Variants in GCN1 observed in about 807,000 individuals in gnomAD.
GCN1 encodes the protein stalled ribosome sensor GCN1.
Under a neutral mutation model 288.4 loss-of-function variants are expected in GCN1, and 90 were observed. That is an observed-to-expected ratio of 0.31 (90% confidence interval 0.26 to 0.37). The LOEUF is 0.37. Among genes scored for constraint, GCN1 ranks in the 10% least tolerant of loss-of-function variants. GCN1 has a pLI of 1.00. For synonymous variants in GCN1, 1,386 were observed against 1,420.2 expected, an observed-to-expected ratio of 0.98 and a Z score of 0.54; for missense variants, 2,586 against 3,419.9, an observed-to-expected ratio of 0.76 and a Z score of 6.08.
At chr12:120,165,094 G>C (rs974091938) in intron 16 of GCN1, among the ~76,000 whole-genome samples, 1 of 150,968 alleles carries the variant, frequency 6.6e-6, no homozygotes, top group South Asian at 2.1e-4. Flanking sequence ...GCCCAGGCTG[G>C]AGTGCAGTGG....
rs747682389 is a variant in GCN1, at chr12:120,163,273, C to T, written c.1849-14G>A. On this transcript the variant is annotated splice_polypyrimidine_tract_variant and intron_variant, in intron 18 of 57. Coordinates refer to ENST00000300648, the MANE Select transcript of GCN1 (RefSeq NM_006836.2). ...TAAGGGCAGCACCTGTGTGGAGACA[C>T]ATGAGATAATACTGCTAAGAGCCCT... is the stretch of plus-strand genomic sequence containing the variant. 3 of 1,607,756 alleles carry T rather than the reference C, an allele frequency of 1.9e-6. No individual in the cohort carries two copies. The highest frequency in any genetic ancestry group is 2.6e-6 in the Non-Finnish European group (3 of 1,174,398).
intron 4 of GCN1, among the ~76,000 whole-genome samples, 191 bp downstream of exon 4, chr12:120,183,921 G>A (rs1226225115): frequency 6.6e-6 from 1 of 152,202 alleles, no homozygotes; most frequent in East Asian, 1.9e-4. Flanking sequence ...ACCATTAGGG[G>A]CCTGGTGGGC....
intron 38 of GCN1, 32 bp downstream of exon 38, chr12:120,147,020 C>G: frequency 7.4e-7 from 1 of 1,351,656 alleles, no homozygotes; most frequent in Non-Finnish European, 1.0e-6. Context: ...ATCTTCTGGT[C>G]TATCCCACAC....
At chr12:120,169,435 T>C (rs1320821030) in intron 15 of GCN1, among the ~76,000 whole-genome samples, 1 of 150,066 alleles carries the variant, frequency 6.7e-6, no homozygotes, top group Non-Finnish European at 1.5e-5. Flanking sequence ...ATAAGTAATA[T>C]GGCATATAGC....
At chr12:120,186,282 A>G (rs12308065) in intron 2 of GCN1, among the ~76,000 whole-genome samples, 93,222 of 151,792 alleles carry the variant, frequency 0.61, 29,532 homozygotes, top group East Asian at 0.98. Context: ...GAGGCTGCAA[A>G]GAGAATCGCT....
At chr12:120,193,389 T>G (rs1879069833) in intron 1 of GCN1, among the ~76,000 whole-genome samples, 1 of 152,070 alleles carries the variant, frequency 6.6e-6, no homozygotes, top group Non-Finnish European at 1.5e-5. Flanking sequence ...CACTGCAACC[T>G]CTGCCTCCCA....
chr12:120,171,879 T>A lies in GCN1; in HGVS notation c.1367-1558A>T, dbSNP rs541282334. On this transcript the variant is annotated intron_variant, in intron 14 of 57. Coordinates refer to ENST00000300648, the MANE Select transcript of GCN1 (RefSeq NM_006836.2). Reference sequence around the variant, plus strand: ...CAGCAATAATGCAAACTGATATATATAGTACATAGACTTTTTATATAATTT... The same window carrying A: ...CAGCAATAATGCAAACTGATATATAAAGTACATAGACTTTTTATATAATTT... Among the ~76,000 whole-genome samples the A allele has an allele frequency of 4.7e-4, 72 of 152,324 alleles. No individual in the cohort carries two copies. In the South Asian group the frequency reaches 7.0e-3, roughly 15 times the overall value.
rs542394581 is a variant in GCN1 at position 120,144,890 on chromosome 12, C to T, written c.5155+33G>A. 2.3e-5 allele frequency: 37 copies of T among 1,614,094 alleles called. No individual in the cohort carries two copies. The South Asian group carries it at 3.2e-4, about 14-fold the overall frequency. ...GATCTGAGGGCCCCTTAGAGCATTC[C>T]CAGGCTGGCCACTGGACCTGCTCTG... On this transcript the variant is annotated intron_variant, in intron 40 of 57. Transcript: ENST00000300648. The surrounding 1 kb of genome is among the most constrained non-coding windows in gnomAD (Gnocchi z 4.7).
intron 36 of GCN1, 111 bp downstream of exon 36, chr12:120,149,495 A>C: frequency 1.3e-6 from 1 of 752,368 alleles, no homozygotes; most frequent in Non-Finnish European, 2.4e-6. Context: ...TCTTAACCCT[A>C]TCCCTGGTCT....
At chr12:120,164,517 G>A (rs2139118294) in intron 17 of GCN1, 22 bp from the exon 18 acceptor site, 1 of 1,611,514 alleles carries the variant, frequency 6.2e-7, no homozygotes, top group Non-Finnish European at 8.5e-7. Context: ...GGGACAGACA[G>A]GTCTGGGGGA....
At chr12:120,192,447 G>T (rs527319847) in intron 1 of GCN1, among the ~76,000 whole-genome samples, 1 of 152,238 alleles carries the variant, frequency 6.6e-6, no homozygotes, top group African/African-American at 2.4e-5. Context: ...TGAAGACAAG[G>T]CTGGGTGCAG....
chr12:120,176,321 G>A (rs1878481069), intron 9 of GCN1, 104 bp from the exon 10 acceptor site: 5 of 743,898 alleles, frequency 6.7e-6, no homozygotes. Context: ...CTGCTGTCTG[G>A]CCCTTCATCT....
In GCN1 at chr12:120,134,961, C is replaced by T. The variant is rs757022597; in HGVS notation, c.7009-235G>A. Among the ~76,000 whole-genome samples, 9 of 152,210 alleles carry T rather than the reference C, an allele frequency of 5.9e-5. No individual in the cohort carries two copies. The highest frequency in any genetic ancestry group is 1.9e-4 in the African/African-American group (8 of 41,448). On this transcript the variant is annotated intron_variant, in intron 51 of 57. Coordinates refer to ENST00000300648, the MANE Select transcript of GCN1 (RefSeq NM_006836.2). This position sits in a 1 kb window ranked among gnomAD's most constrained non-coding sequence, Gnocchi z 5.0. ...GAGGAGCAGGAGGCCGAGGAGGCGG[C>T]GGCCGCTATCTGAGGGAGCTGTCTC...
At position 120,173,741 on chromosome 12, in the gene GCN1, A is replaced by G; in HGVS notation, c.1278T>C (p.Thr426=). 6.2e-7 allele frequency: 1 copy of G among 1,613,196 alleles called. No individual in the cohort carries two copies. Among genetic ancestry groups the G allele is most frequent in the Non-Finnish European group, 8.5e-7 (1 of 1,179,124 alleles). Residue 426 remains threonine (T), a synonymous_variant, in exon 14 of 58, where the codon ACT becomes ACC. Transcript: ENST00000300648. ...RFTMEVPKKL[T]EWFKKAFSLK... ...GGCTGAAAGCTTTTTTGAACCATTC[A>G]GTGAGCTTCTTGGGCACTTCCATAG...
At chr12:120,146,837 G>C (rs1187653839) in intron 38 of GCN1, among the ~76,000 whole-genome samples, 1 of 152,194 alleles carries the variant, frequency 6.6e-6, no homozygotes, top group Non-Finnish European at 1.5e-5. Context: ...AGGCCTTTCT[G>C]GGCCTCAGCT....
At chr12:120,177,861 C>T in intron 7 of GCN1, 109 bp from the exon 8 acceptor site, 1 of 816,482 alleles carries the variant, frequency 1.2e-6, no homozygotes, top group Non-Finnish European at 2.1e-6. Flanking sequence ...ATCAATGCCC[C>T]AAATTTCAGT....
Position 120,170,310 on chromosome 12 carries a change from A to G in GCN1, c.1378T>C (p.Leu460=). 2.5e-6 allele frequency: 4 copies of G among 1,614,116 alleles called. No homozygotes were observed. The highest frequency in any genetic ancestry group is 3.4e-6 in the Non-Finnish European group (4 of 1,179,958). ...MLASYRGDTL[L]QALDLLPLLI... ...AAGGGCAGTAAGTCCAGGGCCTGCA[A>G]CAGCGTGTCACCTGTGGAGAGAGGA... The change falls in exon 15 of 58, where the codon TTG becomes CTG. Residue 460 remains leucine (L), a synonymous_variant. Transcript: ENST00000300648.
chr12:120,137,494 C>T lies in GCN1; in HGVS notation c.6663+51G>A. 1 of 1,590,080 alleles carries T rather than the reference C, an allele frequency of 6.3e-7. No homozygotes were observed. The highest frequency in any genetic ancestry group is 1.1e-5 in the South Asian group (1 of 90,004). The stretch of plus-strand genomic sequence containing the variant: ...CTTATAAGTCTATTCCTGTAAATGT[C>T]TGGAATTTTCTAAAAGCAAAAGTTG... On this transcript the variant is annotated intron_variant, in intron 49 of 57. Coordinates refer to ENST00000300648, the MANE Select transcript of GCN1 (RefSeq NM_006836.2). The surrounding 1 kb of genome is among the most constrained non-coding windows in gnomAD (Gnocchi z 5.2).
intron 53 of GCN1, 26 bp from the exon 54 acceptor site, chr12:120,132,048 G>T (rs1462492509): frequency 7.6e-6 from 11 of 1,454,872 alleles, no homozygotes; most frequent in Non-Finnish European, 1.0e-5. Flanking sequence ...AGGGAGTGAG[G>T]GGGTGCAGGG....
Sources: allele counts gnomAD v4.1 joint callset (sites outside exome capture counted in the v4.1 genomes callset), GRCh38; gene constraint gnomAD v4.1.1; non-coding constraint Gnocchi (gnomAD v3.1); transcripts MANE v1.5; gene names NCBI Gene and HGNC (gene_info 2026-07-23, HGNC 2026-07-21).